The following EPHB2 variants were observed in gnomAD, a reference collection of about 807,000 sequenced individuals.
The protein encoded by EPHB2 is EPH receptor B2, also known as ephrin type-B receptor 2.
EPHB2 carries 18 observed loss-of-function variants against 96.4 expected under a neutral mutation model. The ratio of observed to expected loss-of-function variants is 0.19; its 90% confidence interval spans 0.13 to 0.28. EPHB2 has a LOEUF of 0.28. Ranked by LOEUF, EPHB2 falls within the 10% of genes least tolerant of loss-of-function variation. EPHB2 has a pLI of 1.00. For missense variants in EPHB2, 989 were observed against 1,355.4 expected, an observed-to-expected ratio of 0.73 and a Z score of 4.25; for synonymous variants, 506 against 534.1, an observed-to-expected ratio of 0.95 and a Z score of 0.72.
chr1:22,766,598 G>C (rs1644310527), intron 1 of EPHB2, among the ~76,000 whole-genome samples: 1 of 152,140 alleles, frequency 6.6e-6, no homozygotes, highest in African/African-American at 2.4e-5. Context: ...AGGTCACTGA[G>C]GCTGCAGTCC....
At chr1:22,765,648 C>T (rs942558150) in intron 1 of EPHB2, among the ~76,000 whole-genome samples, 1 of 152,054 alleles carries the variant, frequency 6.6e-6, no homozygotes, top group African/African-American at 2.4e-5. Flanking sequence ...CACCTCTCCA[C>T]GAGCTTTCCG....
rs751175904 is a variant in EPHB2 at position 22,906,828 on chromosome 1, C to G, written c.2007C>G (p.Ser669Arg). Reference sequence around the variant, plus strand: ...AGAAGCAGCGCCGGGACTTCCTGAGCGAAGCCTCCATCATGGGCCAGTTCG... The same window carrying G: ...AGAAGCAGCGCCGGGACTTCCTGAGGGAAGCCTCCATCATGGGCCAGTTCG... ...YTEKQRRDFL[S>R]EASIMGQFDH... Residue 669 changes from serine (S) to arginine (R), a missense_variant, in exon 11 of 16, where the codon AGC (serine) becomes AGG (arginine). By Grantham distance (110) the Ser-to-Arg change is moderately radical. Transcript: ENST00000374630. The surrounding 1 kb of genome is among the most constrained non-coding windows in gnomAD (Gnocchi z 4.8). 2.0e-5 allele frequency: 33 copies of G among 1,614,214 alleles called. No homozygotes were observed. The highest frequency in any genetic ancestry group is 2.8e-5 in the Non-Finnish European group (33 of 1,180,052).
At chr1:22,783,923 T>C (rs1340008348) in intron 2 of EPHB2, among the ~76,000 whole-genome samples, 1 of 152,056 alleles carries the variant, frequency 6.6e-6, no homozygotes, top group Non-Finnish European at 1.5e-5. Context: ...AGGACTGTCT[T>C]CCTCCATCAG....
In EPHB2 at chr1:22,913,752, G is replaced by GA. The variant is rs56871920; in HGVS notation, c.*191dup. On this transcript the variant is annotated 3_prime_UTR_variant, in exon 16 of 16. Coordinates refer to ENST00000374630, the MANE Select transcript of EPHB2 (RefSeq NM_017449.5). This position sits in a 1 kb window ranked among gnomAD's most constrained non-coding sequence, Gnocchi z 4.1. The stretch of plus-strand genomic sequence containing the variant: ...AAGAAAACATGCAACTCAAACGACG[G>GA]AAAAAAAAAGGGAATGGGAAAAAAG... 1.3e-4 allele frequency: 198 copies of GA among 1,581,840 alleles called. No individual in the cohort carries two copies. Among genetic ancestry groups the GA allele is most frequent in the Admixed American group, 5.2e-4 (29 of 55,328 alleles).
intron 9 of EPHB2, among the ~76,000 whole-genome samples, chr1:22,901,279 G>T (rs1284044256): frequency 6.6e-6 from 1 of 152,310 alleles, no homozygotes; most frequent in Non-Finnish European, 1.5e-5. Context: ...CCCCTTAGGA[G>T]GTAGGTATTG....
At chr1:22,879,659 C>T (rs1193133556) in intron 5 of EPHB2, among the ~76,000 whole-genome samples, 8 of 152,206 alleles carry the variant, frequency 5.3e-5, no homozygotes, top group Non-Finnish European at 1.0e-4. Context: ...GCCTCTTCTG[C>T]AAAGTGCAGA....
At chr1:22,822,426 A>G (rs4654819) in intron 3 of EPHB2, among the ~76,000 whole-genome samples, 31,914 of 152,226 alleles carry the variant, frequency 0.21, 3,427 homozygotes, top group South Asian at 0.32. Context: ...GGCAATGTTA[A>G]TATAATGCAT....
intron 1 of EPHB2, among the ~76,000 whole-genome samples, chr1:22,746,624 A>G (rs893318676): frequency 4.6e-5 from 7 of 152,226 alleles, no homozygotes; most frequent in Admixed American, 2.6e-4. Context: ...AACTTCCATG[A>G]TCGACCACCT....
intron 7 of EPHB2, among the ~76,000 whole-genome samples, chr1:22,895,202 T>C (rs1009493866): frequency 1.6e-4 from 25 of 152,176 alleles, no homozygotes; most frequent in Non-Finnish European, 2.4e-4. Context: ...GTTATTATTG[T>C]TGGTTTTCAC....
At chr1:22,740,972 G>T (rs2148365100) in intron 1 of EPHB2, among the ~76,000 whole-genome samples, 1 of 152,244 alleles carries the variant, frequency 6.6e-6, no homozygotes, top group East Asian at 1.9e-4. Flanking sequence ...TCCCTGCGAT[G>T]CCAAGCCTCT....
intron 5 of EPHB2, among the ~76,000 whole-genome samples, chr1:22,873,854 G>T (rs114854466): frequency 6.6e-6 from 1 of 152,102 alleles, no homozygotes; most frequent in African/African-American, 2.4e-5. Flanking sequence ...TATATTTCAC[G>T]GCCACTTCTA....
chr1:22,874,005 C>A lies in EPHB2; in HGVS notation c.1304-8354C>A, dbSNP rs143373031. On this transcript the variant is annotated intron_variant, in intron 5 of 15. Coordinates refer to ENST00000374630, the MANE Select transcript of EPHB2 (RefSeq NM_017449.5). ...ACATCCCATTTTACAGGTAAGGAACCCAGGCTCAGAGAGAGGTAACTTGCC... is the reference window on the plus strand; with the variant it reads ...ACATCCCATTTTACAGGTAAGGAACACAGGCTCAGAGAGAGGTAACTTGCC... Among the ~76,000 whole-genome samples the A allele has an allele frequency of 9.9e-5, 15 of 152,218 alleles. No homozygotes were observed. In the East Asian group the frequency reaches 2.9e-3, roughly 29 times the overall value.
At position 22,893,177 on chromosome 1, in the gene EPHB2, T is replaced by A; in HGVS notation, c.1591+131T>A. 3.5e-6 allele frequency: 5 copies of A among 1,417,208 alleles called. No homozygotes were observed. The South Asian group carries it at 6.0e-5, about 17-fold the overall frequency. 87.8% of individuals were successfully genotyped at this position (1,417,208 alleles called of 1,614,324 possible). A position where few individuals can be genotyped will look rare whatever the true frequency, so the allele number is the denominator to read the frequency against. ...CTCCCTTCTAGATGTCAGCCCTCCC[T>A]CCCTCCTAATTTCGAACCTTTGTGC... On this transcript the variant is annotated intron_variant, in intron 7 of 15. Transcript: ENST00000374630.
intron 3 of EPHB2, among the ~76,000 whole-genome samples, chr1:22,815,252 A>G (rs1645057660): frequency 6.6e-6 from 1 of 151,348 alleles, no homozygotes; most frequent in African/African-American, 2.4e-5. Flanking sequence ...CAGGCTAGAG[A>G]TGGAAGGTGG....
At chr1:22,759,473 G>A (rs1644204657) in intron 1 of EPHB2, among the ~76,000 whole-genome samples, 1 of 152,074 alleles carries the variant, frequency 6.6e-6, no homozygotes, top group African/African-American at 2.4e-5. Flanking sequence ...AAGGGATGGT[G>A]GGATTTCATT....
intron 1 of EPHB2, among the ~76,000 whole-genome samples, chr1:22,742,855 C>T (rs998643978): frequency 2.6e-5 from 4 of 152,036 alleles, no homozygotes; most frequent in Admixed American, 2.6e-4. Context: ...GCTCAGGGTC[C>T]TTGTTCTGTT....
chr1:22,864,353 C>T (rs546474077), intron 4 of EPHB2, among the ~76,000 whole-genome samples: 4 of 152,084 alleles, frequency 2.6e-5, no homozygotes, highest in Non-Finnish European at 5.9e-5. Context: ...CTGTTCTTAA[C>T]GTCACTTCAT....
At chr1:22,899,449 C>T (rs1381487863) in intron 9 of EPHB2, among the ~76,000 whole-genome samples, 3 of 151,446 alleles carry the variant, frequency 2.0e-5, no homozygotes, top group African/African-American at 7.3e-5. Flanking sequence ...TGCAGTGAGC[C>T]GAGATCATGC....
chr1:22,751,149 G>T (rs1283539232), intron 1 of EPHB2, among the ~76,000 whole-genome samples: 22 of 152,096 alleles, frequency 1.4e-4, no homozygotes, highest in Admixed American at 1.4e-3. Flanking sequence ...GAAGAACACT[G>T]GTCAGTCCAA....
Sources: allele counts gnomAD v4.1 joint callset (sites outside exome capture counted in the v4.1 genomes callset), GRCh38; gene constraint gnomAD v4.1.1; non-coding constraint Gnocchi (gnomAD v3.1); transcripts MANE v1.5; gene names NCBI Gene and HGNC (gene_info 2026-07-23, HGNC 2026-07-21).